Variants in MAGI2 observed in about 807,000 individuals in gnomAD.
The protein encoded by MAGI2 is membrane-associated guanylate kinase, WW and PDZ domain-containing protein 2.
Under a neutral mutation model 133.3 loss-of-function variants are expected in MAGI2, and 35 were observed. The ratio of observed to expected loss-of-function variants is 0.26; its 90% confidence interval spans 0.20 to 0.35. MAGI2 has a LOEUF of 0.35. Ranked by LOEUF, MAGI2 falls within the 10% of genes least tolerant of loss-of-function variation. MAGI2 has a pLI of 1.00. For missense variants in MAGI2, 1,636 were observed against 1,863.4 expected, an observed-to-expected ratio of 0.88 and a Z score of 2.25; for synonymous variants, 729 against 710.6, an observed-to-expected ratio of 1.03 and a Z score of -0.41.
At chr7:79,270,403 T>A (rs1229314429) in intron 1 of MAGI2, among the ~76,000 whole-genome samples, 1 of 152,166 alleles carries the variant, frequency 6.6e-6, no homozygotes, top group Non-Finnish European at 1.5e-5. Context: ...GTTTAGATGA[T>A]CAGTTTCCTA....
rs372754376 is a variant in MAGI2 at position 78,986,442 on chromosome 7, A to T, written c.418+20648T>A. On this transcript the variant is annotated intron_variant, in intron 2 of 21. Coordinates refer to ENST00000354212, the MANE Select transcript of MAGI2 (RefSeq NM_012301.4). ...GGAGATTAGTCTGTTCCTTCTCAATAAAACCTATTATCCTATTTGCTCTAT... is the reference window on the plus strand; with the variant it reads ...GGAGATTAGTCTGTTCCTTCTCAATTAAACCTATTATCCTATTTGCTCTAT... Among the ~76,000 whole-genome samples, 30 of 152,134 alleles carry T rather than the reference A, an allele frequency of 2.0e-4. No homozygotes were observed. In the South Asian group the frequency reaches 5.8e-3, roughly 29 times the overall value.
intron 1 of MAGI2, among the ~76,000 whole-genome samples, chr7:79,309,276 C>T (rs552346172): frequency 1.5e-3 from 222 of 151,836 alleles, no homozygotes; most frequent in African/African-American, 5.1e-3. Flanking sequence ...AAAGGCAATA[C>T]ATATAGATAA....
chr7:79,422,917 G>C (rs2129180936), intron 1 of MAGI2, among the ~76,000 whole-genome samples: 1 of 152,114 alleles, frequency 6.6e-6, no homozygotes, highest in African/African-American at 2.4e-5. Context: ...TCATACCAGA[G>C]CCAATGTCTT....
At chr7:79,171,770 A>ATATATATATATATATTTTTTTTTTTT in intron 1 of MAGI2, among the ~76,000 whole-genome samples, 5 of 31,220 alleles carry the variant, frequency 1.6e-4, no homozygotes, top group East Asian at 6.5e-4. Flanking sequence ...ATATATATAT[A>ATATATATATATATATTTTTTTTTTTT]TTTTTTTTTT....
At chr7:78,204,395 C>T (rs868853396) in intron 10 of MAGI2, among the ~76,000 whole-genome samples, 2 of 152,120 alleles carry the variant, frequency 1.3e-5, no homozygotes, top group African/African-American at 2.4e-5. Context: ...CATCTCTTCA[C>T]CCATTTTCAT....
intron 2 of MAGI2, among the ~76,000 whole-genome samples, chr7:78,773,705 T>C (rs1171565175): frequency 6.6e-6 from 1 of 152,158 alleles, no homozygotes; most frequent in African/African-American, 2.4e-5. Flanking sequence ...CCTTTAAGTA[T>C]GTGTCAGTTT....
At chr7:78,324,847 T>C (rs1261441166) in intron 9 of MAGI2, among the ~76,000 whole-genome samples, 2 of 152,094 alleles carry the variant, frequency 1.3e-5, no homozygotes, top group East Asian at 3.9e-4. Context: ...GCGCCTGTAT[T>C]CCCAGCTACT....
At chr7:78,242,548 A>G (rs1791270474) in intron 10 of MAGI2, among the ~76,000 whole-genome samples, 1 of 152,154 alleles carries the variant, frequency 6.6e-6, no homozygotes, top group East Asian at 1.9e-4. Flanking sequence ...TTTGCTGCTG[A>G]CTTCAAATGG....
intron 10 of MAGI2, among the ~76,000 whole-genome samples, chr7:78,208,072 C>T (rs1381779118): frequency 6.8e-6 from 1 of 148,144 alleles, no homozygotes; most frequent in African/African-American, 2.5e-5. Context: ...GTTTCACTAT[C>T]TTGGCCAGGC....
chr7:78,038,914 GACA>G lies in MAGI2; in HGVS notation c.3707-18941_3707-18939del, dbSNP rs917503774. On this transcript the variant is annotated intron_variant, in intron 21 of 21. Coordinates refer to ENST00000354212, the MANE Select transcript of MAGI2 (RefSeq NM_012301.4). ...CACGTTACCGGCATAGCCAGGACAG[GACA>G]ACAACACCTGGACTGCCATAACTAT... Among the ~76,000 whole-genome samples, 4 of 152,374 alleles carry G rather than the reference GACA, an allele frequency of 2.6e-5. No homozygotes were observed. The East Asian group carries it at 7.7e-4, about 29-fold the overall frequency.
intron 18 of MAGI2, among the ~76,000 whole-genome samples, chr7:78,130,384 G>C (rs1230325786): frequency 6.6e-6 from 1 of 152,110 alleles, no homozygotes; most frequent in Middle Eastern, 3.2e-3. Context: ...ACATGGGAAC[G>C]GGCTGAATCT....
intron 3 of MAGI2, among the ~76,000 whole-genome samples, chr7:78,562,198 T>G (rs1296794617): frequency 6.6e-6 from 1 of 152,218 alleles, no homozygotes; most frequent in Non-Finnish European, 1.5e-5. Flanking sequence ...ATCATCACTA[T>G]GAGAGCATTA....
intron 1 of MAGI2, among the ~76,000 whole-genome samples, chr7:79,075,253 G>A (rs60972123): frequency 0.036 from 5,534 of 152,128 alleles, 219 homozygotes; most frequent in African/African-American, 0.098. Context: ...ACTAACAGAG[G>A]GGAATGAAAT....
chr7:78,838,115 A>G (rs1791812958), intron 2 of MAGI2, among the ~76,000 whole-genome samples: 2 of 152,134 alleles, frequency 1.3e-5, no homozygotes, highest in Admixed American at 1.3e-4. Context: ...GATATAAATG[A>G]GTAACATTCT....
At chr7:79,016,403 G>A (rs546527317) in intron 1 of MAGI2, among the ~76,000 whole-genome samples, 39 of 152,218 alleles carry the variant, frequency 2.6e-4, no homozygotes, top group South Asian at 2.1e-4. Context: ...GGTTGTGGTA[G>A]CCTCCTGGTG....
intron 1 of MAGI2, among the ~76,000 whole-genome samples, chr7:79,217,662 A>C (rs1291544407): frequency 6.6e-6 from 1 of 152,016 alleles, no homozygotes; most frequent in Non-Finnish European, 1.5e-5. Context: ...TGCTTTGGTG[A>C]CTAAGAACTA....
intron 1 of MAGI2, among the ~76,000 whole-genome samples, chr7:79,383,334 G>T (rs1025131790): frequency 1.2e-4 from 18 of 151,570 alleles, no homozygotes; most frequent in African/African-American, 4.3e-4. Flanking sequence ...ATTGAACCTA[G>T]AATTGTTAGA....
At chr7:78,557,832 A>G (rs190708487) in intron 3 of MAGI2, among the ~76,000 whole-genome samples, 26 of 152,240 alleles carry the variant, frequency 1.7e-4, no homozygotes, top group African/African-American at 6.0e-4. Context: ...GTTTTTGCTT[A>G]TTGATTATTT....
At chr7:78,538,142 C>G (rs529062058) in intron 3 of MAGI2, among the ~76,000 whole-genome samples, 1 of 152,240 alleles carries the variant, frequency 6.6e-6, no homozygotes, top group South Asian at 2.1e-4. Context: ...CCCATAAGTA[C>G]ATGGCTTTGT....
Sources: gnomAD v4.1 joint callset for allele counts (sites outside exome capture counted in the v4.1 genomes callset) on GRCh38, gnomAD v4.1.1 for gene constraint, MANE v1.5 for transcripts, NCBI Gene and HGNC (gene_info 2026-07-23, HGNC 2026-07-21) for gene names.